Variants in CD2AP observed in about 807,000 individuals in gnomAD.
The protein encoded by CD2AP is CD2-associated protein.
Under a neutral mutation model 85.1 loss-of-function variants are expected in CD2AP, and 46 were observed. The ratio of observed to expected loss-of-function variants is 0.54; its 90% CI spans 0.43 to 0.69. The LOEUF (loss-of-function observed/expected upper bound fraction) is 0.69. CD2AP is among the 30% of genes least tolerant of loss of function. The probability of loss-of-function intolerance (pLI) is 0.00; values close to 1 mark genes in which losing one functional copy is unlikely to be tolerated. For synonymous variants in CD2AP, 255 were observed against 252.9 expected (o/e 1.01, Z -0.08); for missense variants, 769 against 729.5 (o/e 1.05, Z -0.62).
chr6:47,482,309 G>T (rs1189044165), intron 1 of CD2AP, among the ~76,000 whole-genome samples: 1 of 151,680 alleles, frequency 6.6e-6, no homozygotes, highest in Admixed American at 6.6e-5. Context: ...CATTAAGGCT[G>T]AAAATTCACA....
At chr6:47,619,790 TG>T (rs1769698787) in intron 17 of CD2AP, among the ~76,000 whole-genome samples, 1 of 152,230 alleles carries the variant, frequency 6.6e-6, no homozygotes, top group African/African-American at 2.4e-5. Context: ...TATCGGATTG[TG>T]GTTTTGATTT....
chr6:47,610,355 T>C (rs1769397163), intron 16 of CD2AP, among the ~76,000 whole-genome samples: 1 of 152,156 alleles, frequency 6.6e-6, no homozygotes, highest in Non-Finnish European at 1.5e-5. Context: ...AGGGTGCTCA[T>C]CCCTTGTCTT....
chr6:47,592,071 A>G (rs973723950), intron 11 of CD2AP, among the ~76,000 whole-genome samples: 2 of 152,128 alleles, frequency 1.3e-5, no homozygotes, highest in African/African-American at 4.8e-5. Flanking sequence ...CCTGGCTTCA[A>G]GCGATGCCCC....
chr6:47,621,266 G>T (rs1220395535), intron 17 of CD2AP, among the ~76,000 whole-genome samples: 1 of 152,108 alleles, frequency 6.6e-6, no homozygotes, highest in Non-Finnish European at 1.5e-5. Context: ...GATGCTGGAT[G>T]TTGTCGAATG....
At chr6:47,520,329 A>G (rs1459657999) in intron 2 of CD2AP, among the ~76,000 whole-genome samples, 1 of 152,314 alleles carries the variant, frequency 6.6e-6, no homozygotes, top group Non-Finnish European at 1.5e-5. Flanking sequence ...TATAAGCTTT[A>G]TTTTCCTAAA....
At chr6:47,551,190 A>C (rs1767511947) in intron 4 of CD2AP, among the ~76,000 whole-genome samples, 1 of 84,932 alleles carries the variant, frequency 1.2e-5, no homozygotes, top group South Asian at 3.4e-4. Flanking sequence ...GGAAATAAAA[A>C]AAAGAAAAAA....
chr6:47,615,792 A>AATTAATTTATTTATTTATTT (rs1554129261), intron 17 of CD2AP, among the ~76,000 whole-genome samples: 1 of 117,374 alleles, frequency 8.5e-6, no homozygotes, highest in Non-Finnish European at 1.9e-5. Context: ...AATTTAATTT[A>AATTAATTTATTTATTTATTT]ATTTATTTAT....
intron 5 of CD2AP, among the ~76,000 whole-genome samples, chr6:47,555,850 T>A (rs144321765): frequency 8.1e-4 from 118 of 145,030 alleles, no homozygotes; most frequent in Non-Finnish European, 1.6e-3. Context: ...TGACAGTTTC[T>A]AAGCATAATG....
At position 47,609,105 on chromosome 6, in the gene CD2AP, T is replaced by A. The variant is rs755868413; in HGVS notation, c.1633-18T>A. 1.9e-6 allele frequency: 3 copies of A among 1,572,764 alleles called. No individual in the cohort carries two copies. In the East Asian group the frequency reaches 6.9e-5, roughly 36 times the overall value. On this transcript the variant is annotated intron_variant, in intron 15 of 17. Transcript: ENST00000359314. Reference sequence around the variant, plus strand: ...ATAATATTAAATAAAATCAGAAATTTTTTTTTTACGTTTTCAGCCATCTGT... The same window carrying A: ...ATAATATTAAATAAAATCAGAAATTATTTTTTTACGTTTTCAGCCATCTGT...
intron 2 of CD2AP, among the ~76,000 whole-genome samples, chr6:47,529,817 AG>A (rs1766824830): frequency 6.6e-6 from 1 of 152,236 alleles, no homozygotes; most frequent in African/African-American, 2.4e-5. Context: ...ACTGTATTTC[AG>A]ATTGCCTACC....
intron 7 of CD2AP, 34 bp from the exon 8 acceptor site, chr6:47,576,975 G>T: frequency 9.3e-7 from 1 of 1,079,760 alleles, no homozygotes; most frequent in Non-Finnish European, 1.4e-6. Context: ...GAATCCATTT[G>T]TGTGAGCCAC....
At chr6:47,537,766 A>G (rs1174283917) in intron 3 of CD2AP, among the ~76,000 whole-genome samples, 1 of 151,914 alleles carries the variant, frequency 6.6e-6, no homozygotes, top group Admixed American at 6.6e-5. Flanking sequence ...TGGCCTAAGC[A>G]TTACGATTTT....
chr6:47,581,904 T>C (rs1768491113), intron 10 of CD2AP, 99 bp from the exon 11 acceptor site: 2 of 798,772 alleles, frequency 2.5e-6, no homozygotes, highest in Non-Finnish European at 4.4e-6. Flanking sequence ...TGGTTTCATC[T>C]GATGTTATTT....
intron 13 of CD2AP, among the ~76,000 whole-genome samples, chr6:47,605,230 G>T (rs899232427): frequency 3.9e-5 from 6 of 151,978 alleles, no homozygotes; most frequent in African/African-American, 1.4e-4. Flanking sequence ...AATATTCTGA[G>T]TTTGGAATCT....
chr6:47,512,724 G>A (rs971753633), intron 2 of CD2AP, among the ~76,000 whole-genome samples: 1 of 152,188 alleles, frequency 6.6e-6, no homozygotes, highest in Non-Finnish European at 1.5e-5. Context: ...TTAATAAAGA[G>A]AACATTACAG....
At chr6:47,553,779 AGT>A (rs1767598326) in intron 4 of CD2AP, among the ~76,000 whole-genome samples, 1 of 152,074 alleles carries the variant, frequency 6.6e-6, no homozygotes, top group African/African-American at 2.4e-5. Flanking sequence ...CTTATTGGTA[AGT>A]GTAAATGTTT....
chr6:47,579,984 C>G (rs1768428922), intron 9 of CD2AP: 1 of 161,950 alleles, frequency 6.2e-6, no homozygotes. Context: ...CTTCCTACAA[C>G]TTGGTCCCTT....
Position 47,477,812 on chromosome 6 carries a change from T to G in CD2AP, c.-433T>G, listed in dbSNP as rs1024065727. On this transcript the variant is annotated 5_prime_UTR_variant, in exon 1 of 18. Transcript: ENST00000359314. Reference sequence around the variant, plus strand: ...GCCTCTGTCTGGGTCCCCACCTTAGTCTACGGTGTCGCCTTTTCTAACTGC... The same window carrying G: ...GCCTCTGTCTGGGTCCCCACCTTAGGCTACGGTGTCGCCTTTTCTAACTGC... 2 of 217,098 alleles carry G rather than the reference T, an allele frequency of 9.2e-6. No individual in the cohort carries two copies. The highest frequency in any genetic ancestry group is 5.8e-5 in the Admixed American group (1 of 17,102). The allele number at this position is 217,098 out of a possible 1,614,324, so 13.4% of individuals were successfully genotyped here. A position where few individuals can be genotyped will look rare whatever the true frequency, so the allele number is the denominator to read the frequency against.
chr6:47,612,845 A>G (rs1769487182), intron 17 of CD2AP, among the ~76,000 whole-genome samples: 1 of 152,192 alleles, frequency 6.6e-6, no homozygotes, highest in Non-Finnish European at 1.5e-5. Flanking sequence ...AAGGATGGAT[A>G]CCAGAGGGTG....
Sources: gnomAD v4.1 joint callset for allele counts (sites outside exome capture counted in the v4.1 genomes callset) on GRCh38, gnomAD v4.1.1 for gene constraint, MANE v1.5 for transcripts, NCBI Gene and HGNC (gene_info 2026-07-23, HGNC 2026-07-21) for gene names.